The following PRSS23 variants were observed in gnomAD, a reference collection of about 807,000 sequenced individuals.
PRSS23 encodes the protein serine protease 23.
A neutral mutation model predicts 34.7 loss-of-function variants in PRSS23; 25 were observed. The ratio of observed to expected loss-of-function variants is 0.72; its 90% confidence interval spans 0.53 to 1.01. The LOEUF is 1.01. Ranked by LOEUF, PRSS23 falls within the 50% of genes least tolerant of loss-of-function variation. PRSS23 has a pLI of 0.00. For missense variants in PRSS23, 445 were observed against 475.6 expected, an observed-to-expected ratio of 0.94 and a Z score of 0.60; for synonymous variants, 176 against 186.6, an observed-to-expected ratio of 0.94 and a Z score of 0.46.
At chr11:86,934,644 C>T (rs983866989) in intron 2 of PRSS23, 4 of 152,234 alleles carry the variant, frequency 2.6e-5, no homozygotes, top group Admixed American at 2.6e-4. Context: ...AAAGAAGACT[C>T]TGAGGTCCCC....
In PRSS23 at chr11:86,950,344, C is replaced by G. The variant is rs940225405; in HGVS notation, c.207-872C>G. On this transcript the variant is annotated intron_variant, in intron 2 of 2. Coordinates refer to the PRSS23 transcript ENST00000533902. ...CAGAAAGTGAATCACCCTTCCTTTT[C>G]CCCTCTTTAAGCATGCTGCAGTACA... 6 of 152,762 alleles carry G rather than the reference C, an allele frequency of 3.9e-5. No homozygotes were observed. The highest frequency in any genetic ancestry group is 3.4e-3 in the Middle Eastern group (1 of 294). 9.5% of individuals were successfully genotyped at this position (152,762 alleles called of 1,614,324 possible).
intron 2 of PRSS23, among the ~76,000 whole-genome samples, chr11:86,844,249 C>T (rs550806355): frequency 6.6e-6 from 1 of 152,234 alleles, no homozygotes; most frequent in South Asian, 2.1e-4. Context: ...ACATCACACA[C>T]CGGGGCCTGT....
chr11:86,898,961 A>G (rs138847202), intron 2 of PRSS23, among the ~76,000 whole-genome samples: 1 of 152,316 alleles, frequency 6.6e-6, no homozygotes, highest in Non-Finnish European at 1.5e-5. Flanking sequence ...TCTGAGCACT[A>G]GGTCATGCAG....
chr11:86,819,656 G>A (rs1439280637), intron 1 of PRSS23, among the ~76,000 whole-genome samples: 2 of 152,118 alleles, frequency 1.3e-5, no homozygotes, highest in South Asian at 2.1e-4. Flanking sequence ...CATACACTGT[G>A]TATAGACACT....
At chr11:86,846,788 A>G (rs77287924) in intron 2 of PRSS23, among the ~76,000 whole-genome samples, 1 of 152,162 alleles carries the variant, frequency 6.6e-6, no homozygotes, top group Non-Finnish European at 1.5e-5. Flanking sequence ...ATCCCTGTTC[A>G]TGGTGCCCTC....
chr11:86,830,351 A>G (rs977404689), intron 2 of PRSS23, among the ~76,000 whole-genome samples: 1 of 152,150 alleles, frequency 6.6e-6, no homozygotes, highest in African/African-American at 2.4e-5. Context: ...GGAAAAGCGC[A>G]GTATTAGGGT....
At chr11:86,867,995 C>T (rs904250993) in intron 2 of PRSS23, among the ~76,000 whole-genome samples, 7 of 152,112 alleles carry the variant, frequency 4.6e-5, no homozygotes, top group African/African-American at 7.2e-5. Flanking sequence ...GCCTCGGCCC[C>T]TCTTCACCTC....
intron 2 of PRSS23, among the ~76,000 whole-genome samples, chr11:86,824,526 T>C (rs1274049551): frequency 6.6e-6 from 1 of 151,006 alleles, no homozygotes; most frequent in Non-Finnish European, 1.5e-5. Context: ...ATGTGCACAA[T>C]GTGCAGGTTA....
In PRSS23 at chr11:86,832,523, G is replaced by T. The variant is rs188794404; in HGVS notation, c.206+8930G>T. ...AATGGAACAGATAATAAAATAATGA[G>T]ATTAAACTGTTCTGCCATGCAACCA... On this transcript the variant is annotated intron_variant, in intron 2 of 2. Coordinates refer to the PRSS23 transcript ENST00000533902. 3.9e-5 allele frequency: 12 copies of T among 307,768 alleles called. No individual in the cohort carries two copies. In the Admixed American group the frequency reaches 4.5e-4, roughly 12 times the overall value. The allele number at this position is 307,768 out of a possible 1,614,324, so 19.1% of individuals were successfully genotyped here.
At chr11:86,832,540 A>C (rs1948366780) in intron 2 of PRSS23, 1 of 374,384 alleles carries the variant, frequency 2.7e-6, no homozygotes, top group South Asian at 2.4e-5. Flanking sequence ...CTGTTCTGCC[A>C]TGCAACCACC....
intron 2 of PRSS23, among the ~76,000 whole-genome samples, chr11:86,843,442 G>T (rs574577733): frequency 7.6e-4 from 115 of 152,288 alleles, no homozygotes; most frequent in African/African-American, 2.6e-3. Context: ...AAACTAAAGA[G>T]CTTCTGCACA....
chr11:86,921,446 A>C (rs1354377093), intron 2 of PRSS23: 5 of 152,216 alleles, frequency 3.3e-5, no homozygotes, highest in Non-Finnish European at 7.3e-5. Flanking sequence ...TAAATCTGTG[A>C]TTTTGATTGT....
chr11:86,878,410 G>C (rs939448015), intron 2 of PRSS23, among the ~76,000 whole-genome samples: 1 of 152,110 alleles, frequency 6.6e-6, no homozygotes, highest in Admixed American at 6.5e-5. Flanking sequence ...TTGCAGGCGC[G>C]CGCCGCCACG....
chr11:86,906,248 C>T (rs1948941336), intron 2 of PRSS23, among the ~76,000 whole-genome samples: 1 of 152,224 alleles, frequency 6.6e-6, no homozygotes, highest in Non-Finnish European at 1.5e-5. Context: ...GTTCCCGGGC[C>T]TTCTCCACCC....
chr11:86,826,882 G>A (rs1948305749), intron 2 of PRSS23, among the ~76,000 whole-genome samples: 1 of 152,138 alleles, frequency 6.6e-6, no homozygotes, highest in Admixed American at 6.5e-5. Flanking sequence ...ATGTGCTGCT[G>A]GATTTGGTTT....
intron 2 of PRSS23, among the ~76,000 whole-genome samples, chr11:86,864,863 G>C (rs1413173241): frequency 6.6e-6 from 1 of 152,164 alleles, no homozygotes. Flanking sequence ...GCATCTTCCA[G>C]TCTCTCTCTG....
At chr11:86,938,469 C>T (rs1949179242) in intron 2 of PRSS23, among the ~76,000 whole-genome samples, 2 of 150,764 alleles carry the variant, frequency 1.3e-5, no homozygotes, top group Admixed American at 1.3e-4. Context: ...GTCCAGCATG[C>T]AGGAGCAGAG....
upstream of PRSS23, chr11:86,800,284 G>A (rs749677541): frequency 4.7e-5 from 10 of 211,796 alleles, no homozygotes; most frequent in Non-Finnish European, 2.4e-5. Context: ...GTGCTGCCTG[G>A]CGCCGAGAGG....
chr11:86,880,887 A>G (rs1216689935), intron 2 of PRSS23, among the ~76,000 whole-genome samples: 1 of 152,212 alleles, frequency 6.6e-6, no homozygotes, highest in African/African-American at 2.4e-5. Flanking sequence ...TTAGATATCA[A>G]TCTTGCATTC....
Sources: gnomAD v4.1 joint callset for allele counts (sites outside exome capture counted in the v4.1 genomes callset) on GRCh38, gnomAD v4.1.1 for gene constraint, MANE v1.5 for transcripts, NCBI Gene and HGNC (gene_info 2026-07-23, HGNC 2026-07-21) for gene names.